Variants in PTPRT observed in about 807,000 individuals in gnomAD.
PTPRT encodes receptor-type tyrosine-protein phosphatase T.
Under a neutral mutation model 176.8 loss-of-function variants are expected in PTPRT, and 56 were observed. The ratio of observed to expected loss-of-function variants is 0.32; its 90% CI spans 0.26 to 0.40. PTPRT has a LOEUF of 0.40. Ranked by LOEUF, PTPRT falls within the 10% of genes least tolerant of loss-of-function variation. PTPRT has a pLI of 1.00. For synonymous variants in PTPRT, 783 were observed against 739.0 expected (o/e 1.06, Z -0.96); for missense variants, 1,540 against 1,908.2 (o/e 0.81, Z 3.60).
intron 11 of PTPRT, 24 bp from the exon 12 acceptor site, chr20:42,316,020 G>A: frequency 1.2e-6 from 2 of 1,610,480 alleles, no homozygotes; most frequent in Non-Finnish European, 1.7e-6. Flanking sequence ...AGGAGACACA[G>A]ATGGTTGAGC....
At chr20:42,200,180 AT>A (rs923877053) in intron 15 of PTPRT, among the ~76,000 whole-genome samples, 1 of 152,124 alleles carries the variant, frequency 6.6e-6, no homozygotes, top group Non-Finnish European at 1.5e-5. Context: ...GGTTAAAAAT[AT>A]CAGCTTTGGT....
chr20:42,118,342 A>C, intron 21 of PTPRT, 61 bp downstream of exon 21: 5 of 1,425,798 alleles, frequency 3.5e-6, no homozygotes, highest in Middle Eastern at 1.9e-4. Context: ...CATGGAACAA[A>C]GAGATGTTCG....
intron 1 of PTPRT, among the ~76,000 whole-genome samples, chr20:43,110,959 G>C (rs1387924750): frequency 6.6e-6 from 1 of 152,166 alleles, no homozygotes; most frequent in Non-Finnish European, 1.5e-5. Context: ...GGTCCAATGT[G>C]GGTGGGGGGA....
At chr20:42,129,979 A>G (rs6130047) in intron 18 of PTPRT, among the ~76,000 whole-genome samples, 49,210 of 151,982 alleles carry the variant, frequency 0.32, 8,108 homozygotes, top group Non-Finnish European at 0.34. Context: ...GACCCTGTGG[A>G]AGAGAAGTAG....
At chr20:42,740,571 G>A (rs1044671914) in intron 6 of PTPRT, among the ~76,000 whole-genome samples, 1 of 152,208 alleles carries the variant, frequency 6.6e-6, no homozygotes, top group Admixed American at 6.5e-5. Flanking sequence ...CAAGGACTGA[G>A]GCAATGGCAA....
intron 6 of PTPRT, among the ~76,000 whole-genome samples, chr20:42,723,423 G>T (rs748784062): frequency 6.6e-6 from 1 of 152,166 alleles, no homozygotes; most frequent in Non-Finnish European, 1.5e-5. Context: ...TTCCCGGTGA[G>T]CTGGGCTGTG....
rs62204887 is a variant in PTPRT at position 42,473,089 on chromosome 20, T to G, written c.1154-527A>C. Among the ~76,000 whole-genome samples, 1,207 of 152,246 alleles carry G rather than the reference T, an allele frequency of 7.9e-3. 11 individuals are homozygous for G. The highest frequency in any genetic ancestry group is 0.014 in the Middle Eastern group (4 of 294). ...CCGCAACACCCAGTTTATCCATGCG[T>G]TCATCATGACCCATTAACCCTGCTT... On this transcript the variant is annotated intron_variant, in intron 7 of 30. Transcript: ENST00000373187.
At chr20:42,958,573 A>C (rs937222235) in intron 1 of PTPRT, among the ~76,000 whole-genome samples, 19 of 151,932 alleles carry the variant, frequency 1.3e-4, no homozygotes, top group Non-Finnish European at 2.2e-4. Context: ...GATGGCCAGG[A>C]AGCCAAGTGA....
At chr20:42,930,133 G>T (rs1008281792) in intron 1 of PTPRT, among the ~76,000 whole-genome samples, 1 of 152,202 alleles carries the variant, frequency 6.6e-6, no homozygotes, top group Non-Finnish European at 1.5e-5. Context: ...GACAGGGAAA[G>T]GACTTGGGGA....
chr20:42,658,546 C>T (rs1415538575), intron 7 of PTPRT, among the ~76,000 whole-genome samples: 1 of 152,172 alleles, frequency 6.6e-6, no homozygotes, highest in Non-Finnish European at 1.5e-5. Flanking sequence ...AGAGTGCTAC[C>T]TCTGACCCCA....
At chr20:42,551,560 A>G (rs2072771157) in intron 7 of PTPRT, among the ~76,000 whole-genome samples, 1 of 152,194 alleles carries the variant, frequency 6.6e-6, no homozygotes, top group Admixed American at 6.5e-5. Flanking sequence ...TGTGTTAGTC[A>G]ATGCTTATCT....
intron 7 of PTPRT, among the ~76,000 whole-genome samples, chr20:42,568,983 G>GGTTGTT (rs2073095848): frequency 7.0e-6 from 1 of 142,786 alleles, no homozygotes; most frequent in African/African-American, 2.6e-5. Context: ...GGGAGGTGGA[G>GGTTGTT]GTTGCAGTGA....
chr20:43,088,919 A>C (rs77838651), intron 1 of PTPRT, among the ~76,000 whole-genome samples: 1 of 152,150 alleles, frequency 6.6e-6, no homozygotes, highest in East Asian at 1.9e-4. Context: ...CTCCTATGCA[A>C]GTAGCTCGGC....
chr20:42,922,780 C>T (rs1979232617), intron 1 of PTPRT, among the ~76,000 whole-genome samples: 1 of 152,016 alleles, frequency 6.6e-6, no homozygotes, highest in Non-Finnish European at 1.5e-5. Flanking sequence ...CCTAGATTAG[C>T]TGAGGGTCAC....
intron 1 of PTPRT, among the ~76,000 whole-genome samples, chr20:42,911,079 T>C (rs987486839): frequency 1.3e-5 from 2 of 152,118 alleles, no homozygotes; most frequent in Admixed American, 6.5e-5. Flanking sequence ...ACCTGGTCTC[T>C]CCCTTGACAC....
At chr20:42,543,163 C>A (rs943563278) in intron 7 of PTPRT, among the ~76,000 whole-genome samples, 20 of 152,170 alleles carry the variant, frequency 1.3e-4, no homozygotes, top group Non-Finnish European at 2.8e-4. Context: ...CTCTTCCTTT[C>A]ACAGAAGATT....
At chr20:42,414,341 A>G (rs1237445719) in intron 9 of PTPRT, among the ~76,000 whole-genome samples, 1 of 152,248 alleles carries the variant, frequency 6.6e-6, no homozygotes, top group Non-Finnish European at 1.5e-5. Flanking sequence ...TAATGTTGAA[A>G]TAATCCAAGC....
intron 1 of PTPRT, among the ~76,000 whole-genome samples, chr20:43,020,261 G>A (rs574686465): frequency 2.0e-5 from 3 of 146,674 alleles, no homozygotes; most frequent in African/African-American, 7.5e-5. Flanking sequence ...TATATATTTG[G>A]TTCTTTTTGG....
At chr20:43,082,103 C>T (rs959424275) in intron 1 of PTPRT, among the ~76,000 whole-genome samples, 13 of 152,070 alleles carry the variant, frequency 8.5e-5, no homozygotes, top group Admixed American at 3.3e-4. Context: ...TCCTAGAATG[C>T]CATTTTATCC....
Sources: gnomAD v4.1 joint callset for allele counts (sites outside exome capture counted in the v4.1 genomes callset) on GRCh38, gnomAD v4.1.1 for gene constraint, MANE v1.5 for transcripts, NCBI Gene and HGNC (gene_info 2026-07-23, HGNC 2026-07-21) for gene names.